EDA: variants seen among roughly 807,000 people sequenced by gnomAD.
EDA encodes the protein ectodysplasin-A.
In EDA, 2 loss-of-function variants were observed where a neutral mutation model predicts 23.6. The ratio of observed to expected loss-of-function variants is 0.08; its 90% CI spans 0.03 to 0.27. The LOEUF (loss-of-function observed/expected upper bound fraction) is 0.27. Among genes scored for constraint, EDA ranks in the 10% least tolerant of loss-of-function variants. The pLI, the probability that EDA is intolerant of heterozygous loss-of-function variation, is 1.00. For missense variants in EDA, 229 were observed against 324.2 expected (o/e 0.71, Z 2.26); for synonymous variants, 131 against 132.0 (o/e 0.99, Z 0.05).
At chrX:69,816,482 G>A (rs985880276) in intron 1 of EDA, among the ~76,000 whole-genome samples, 10 of 111,516 alleles carry the variant, frequency 9.0e-5, no homozygotes, top group South Asian at 3.8e-4. Context: ...GCCACAATAG[G>A]CAATTTAGAG....
intron 1 of EDA, among the ~76,000 whole-genome samples, chrX:69,731,925 C>T (rs975104979): frequency 6.3e-5 from 7 of 111,260 alleles, no homozygotes; most frequent in Middle Eastern, 9.2e-3. Context: ...CAGATTAAGG[C>T]AGTTGCCTCC....
intron 1 of EDA, among the ~76,000 whole-genome samples, chrX:69,689,633 C>T (rs1290176493): frequency 1.1e-5 from 1 of 92,878 alleles, no homozygotes; most frequent in African/African-American, 3.4e-5. Flanking sequence ...CCGCGCCCGG[C>T]CCAACTTTGT....
rs781394318 is a variant in EDA, at chrX:70,035,556, A to G, written c.1123A>G (p.Lys375Glu). The G allele has an allele frequency of 8.3e-6, 10 of 1,208,962 alleles. No individual in the cohort carries two copies. Among genetic ancestry groups the G allele is most frequent in the African/African-American group, 1.8e-5 (1 of 56,927 alleles). Reference protein sequence around the residue: ...VHADISINMSKHTTFFGAIRL... With the variant: ...VHADISINMSEHTTFFGAIRL... Reference sequence around the variant, plus strand: ...CGCTGACATCTCCATCAACATGAGCAAGCACACCACGTTCTTTGGGGCCAT... The same window carrying G: ...CGCTGACATCTCCATCAACATGAGCGAGCACACCACGTTCTTTGGGGCCAT... Residue 375 changes from lysine (K) to glutamate (E), a missense_variant, in exon 8 of 8, where the codon AAG becomes GAG. Transcript: ENST00000374552.
At chrX:69,645,696 A>T (rs897028774) in intron 1 of EDA, among the ~76,000 whole-genome samples, 1 of 103,912 alleles carries the variant, frequency 9.6e-6, no homozygotes, top group Non-Finnish European at 1.9e-5. Flanking sequence ...TTACATATGT[A>T]TACATGTGCC....
chrX:69,818,017 A>AAACT (rs1441802583), intron 1 of EDA, among the ~76,000 whole-genome samples: 9 of 110,690 alleles, frequency 8.1e-5, no homozygotes, highest in Non-Finnish European at 1.5e-4. Context: ...AAATCATAAC[A>AAACT]GTCTCTTAGA....
At chrX:69,884,936 G>A (rs1232933321) in intron 1 of EDA, among the ~76,000 whole-genome samples, 1 of 111,996 alleles carries the variant, frequency 8.9e-6, no homozygotes, top group African/African-American at 3.2e-5. Context: ...ATTCTTACTA[G>A]CAATGCTGGA....
At chrX:69,954,773 A>G (rs981150984) in intron 1 of EDA, among the ~76,000 whole-genome samples, 1 of 111,473 alleles carries the variant, frequency 9.0e-6, no homozygotes, top group Non-Finnish European at 1.9e-5. Context: ...TCACCCAGGT[A>G]TTAAGCCTAG....
intron 1 of EDA, among the ~76,000 whole-genome samples, chrX:69,663,026 G>A (rs1275611904): frequency 8.9e-6 from 1 of 112,421 alleles, no homozygotes; most frequent in Non-Finnish European, 1.9e-5. Context: ...TTTGGAATTG[G>A]AACTTATGTT....
intron 1 of EDA, among the ~76,000 whole-genome samples, chrX:69,689,731 T>C: frequency 9.0e-6 from 1 of 111,525 alleles, no homozygotes; most frequent in Non-Finnish European, 1.9e-5. Context: ...GATAAGGTTG[T>C]GTTTAATCTG....
chrX:69,664,356 T>C (rs1370308236), intron 1 of EDA, among the ~76,000 whole-genome samples: 1 of 111,664 alleles, frequency 9.0e-6, no homozygotes, highest in African/African-American at 3.3e-5. Flanking sequence ...GATGATTTTA[T>C]AAAGGGGAGA....
chrX:69,949,369 C>G (rs1438223804), intron 1 of EDA, among the ~76,000 whole-genome samples: 1 of 111,705 alleles, frequency 9.0e-6, no homozygotes, highest in Admixed American at 9.5e-5. Context: ...ATGAACAATA[C>G]AGCTGTTTCT....
At chrX:69,669,185 A>G (rs772349655) in intron 1 of EDA, among the ~76,000 whole-genome samples, 4 of 109,306 alleles carry the variant, frequency 3.7e-5, no homozygotes, top group Non-Finnish European at 7.6e-5. Context: ...TGGGTACCCC[A>G]TAGACACCAT....
intron 2 of EDA, among the ~76,000 whole-genome samples, chrX:69,999,962 TATC>T (rs1438045227): frequency 8.9e-6 from 1 of 112,003 alleles, no homozygotes; most frequent in Non-Finnish European, 1.9e-5. Flanking sequence ...TATTATATTA[TATC>T]ATCAACTCAA....
intron 1 of EDA, among the ~76,000 whole-genome samples, chrX:69,679,369 A>G (rs1348895340): frequency 1.1e-4 from 12 of 109,182 alleles, no homozygotes; most frequent in Non-Finnish European, 1.5e-4. Context: ...CTCTTTTTCT[A>G]TTGATTGGAA....
chrX:69,951,459 T>A (rs1262608004), intron 1 of EDA, among the ~76,000 whole-genome samples: 1 of 111,629 alleles, frequency 9.0e-6, no homozygotes, highest in Non-Finnish European at 1.9e-5. Flanking sequence ...ACAATCTAAT[T>A]ATTCTTTCAA....
chrX:69,846,389 G>A (rs1430805671), intron 1 of EDA, among the ~76,000 whole-genome samples: 1 of 110,778 alleles, frequency 9.0e-6, no homozygotes, highest in Non-Finnish European at 1.9e-5. Flanking sequence ...CCACCTCCTG[G>A]GCTCAAGTGA....
intron 7 of EDA, among the ~76,000 whole-genome samples, chrX:70,035,070 G>A (rs938807506): frequency 8.9e-6 from 1 of 111,808 alleles, no homozygotes; most frequent in African/African-American, 3.3e-5. Flanking sequence ...ACAGGGGCAC[G>A]GTGAAGCTGC....
intron 1 of EDA, among the ~76,000 whole-genome samples, chrX:69,746,630 A>G: frequency 9.0e-6 from 1 of 111,485 alleles, no homozygotes; most frequent in East Asian, 2.8e-4. Context: ...GGTGGAAACA[A>G]AAGTGTTTTA....
intron 1 of EDA, among the ~76,000 whole-genome samples, chrX:69,666,310 T>G (rs1307322083): frequency 8.9e-6 from 1 of 112,577 alleles, no homozygotes; most frequent in Non-Finnish European, 1.9e-5. Context: ...CTGATTGTTC[T>G]GTCTAGTACT....
Sources: allele counts gnomAD v4.1 joint callset (sites outside exome capture counted in the v4.1 genomes callset), GRCh38; gene constraint gnomAD v4.1.1; transcripts MANE v1.5; gene names NCBI Gene and HGNC (gene_info 2026-07-23, HGNC 2026-07-21).